Variants in DHRSX observed in about 807,000 individuals in gnomAD.
DHRSX encodes dehydrogenase/reductase X-linked.
A neutral mutation model predicts 34.0 loss-of-function variants in DHRSX; 31 were observed. That is an observed-to-expected ratio of 0.91 (90% CI 0.69 to 1.23). DHRSX has a LOEUF of 1.23. Ranked by LOEUF, DHRSX falls within the 50% of genes most tolerant of loss-of-function variation. The probability of loss-of-function intolerance (pLI) is 0.00; values close to 1 mark genes in which losing one functional copy is unlikely to be tolerated. For missense variants in DHRSX, 414 were observed against 428.1 expected, an observed-to-expected ratio of 0.97 and a Z score of 0.29; for synonymous variants, 201 against 183.8, an observed-to-expected ratio of 1.09 and a Z score of -0.76.
chrX:2,403,481 T>C (rs1394712130), intron 3 of DHRSX, among the ~76,000 whole-genome samples: 2 of 152,220 alleles, frequency 1.3e-5, no homozygotes, highest in Non-Finnish European at 2.9e-5. Context: ...GTATTCGTCA[T>C]GCTACTTGTC....
intron 1 of DHRSX, among the ~76,000 whole-genome samples, chrX:2,497,039 T>C (rs189150378): frequency 6.6e-6 from 1 of 152,268 alleles, no homozygotes; most frequent in African/African-American, 2.4e-5. Context: ...TTATTGACTG[T>C]TATAATCCAC....
chrX:2,489,823 G>C, intron 1 of DHRSX: 1 of 1,613,640 alleles, frequency 6.2e-7, no homozygotes, highest in Non-Finnish European at 8.5e-7. Flanking sequence ...AGGCCTGCTG[G>C]ATGCCGGCAT....
chrX:2,483,612 C>G (rs901400880), intron 1 of DHRSX, among the ~76,000 whole-genome samples: 2 of 151,876 alleles, frequency 1.3e-5, no homozygotes, highest in Non-Finnish European at 2.9e-5. Flanking sequence ...GACACAAATG[C>G]CCCCCGGTTC....
At position 2,461,925 on chromosome X, in the gene DHRSX, C is replaced by A. The variant is rs141749884; in HGVS notation, c.110-36621G>T. Among the ~76,000 whole-genome samples the A allele has an allele frequency of 3.7e-3, 564 of 152,058 alleles. 3 individuals are homozygous for A. Among genetic ancestry groups the A allele is most frequent in the African/African-American group, 0.013 (528 of 41,464 alleles). Reference sequence around the variant, plus strand: ...CTGGTCTCAAACTCCTGGGCTCAAGCGATCCACCGGCCTCGGCCTCCCAAA... The same window carrying A: ...CTGGTCTCAAACTCCTGGGCTCAAGAGATCCACCGGCCTCGGCCTCCCAAA... On this transcript the variant is annotated intron_variant, in intron 1 of 6. Coordinates refer to ENST00000334651, the MANE Select transcript of DHRSX (RefSeq NM_145177.3).
At chrX:2,448,328 C>T (rs2044166572) in intron 1 of DHRSX, among the ~76,000 whole-genome samples, 1 of 151,864 alleles carries the variant, frequency 6.6e-6, no homozygotes, top group Non-Finnish European at 1.5e-5. Flanking sequence ...GTGAGACTGT[C>T]TCAAAAAAAT....
intron 3 of DHRSX, among the ~76,000 whole-genome samples, chrX:2,305,588 C>A (rs1020153241): frequency 6.6e-6 from 1 of 152,042 alleles, no homozygotes; most frequent in South Asian, 2.1e-4. Flanking sequence ...TTGGAACCAA[C>A]GCAAATGCCC....
intron 1 of DHRSX, among the ~76,000 whole-genome samples, chrX:2,478,903 C>T (rs1348911023): frequency 6.6e-6 from 1 of 152,038 alleles, no homozygotes; most frequent in Non-Finnish European, 1.5e-5. Context: ...AAGTATGTGG[C>T]TAAGGGACCA....
rs192209199 is a variant in DHRSX, at chrX:2,376,233, T to G, written c.286+32512A>C. ...CAATTGCAGTACGGATCTGAGGCAT[T>G]GTAGATGGCAAGAGTGCATGTGTGC... On this transcript the variant is annotated intron_variant, in intron 3 of 6. Coordinates refer to ENST00000334651, the MANE Select transcript of DHRSX (RefSeq NM_145177.3). Among the ~76,000 whole-genome samples, 250 of 137,494 alleles carry G rather than the reference T, an allele frequency of 1.8e-3. 56 individuals are homozygous for G. In the Middle Eastern group the frequency reaches 0.032, roughly 18 times the overall value. The allele number at this position is 137,494 out of a possible 152,430, so 90.2% of individuals were successfully genotyped here. A position where few individuals can be genotyped will look rare whatever the true frequency, so the allele number is the denominator to read the frequency against.
chrX:2,428,067 G>A (rs1013180161), intron 1 of DHRSX, among the ~76,000 whole-genome samples: 8 of 152,056 alleles, frequency 5.3e-5, no homozygotes, highest in Non-Finnish European at 7.4e-5. Flanking sequence ...TGTACACGTC[G>A]ACATAGAGCA....
chrX:2,472,780 A>G (rs149086401), intron 1 of DHRSX, among the ~76,000 whole-genome samples: 13 of 152,218 alleles, frequency 8.5e-5, no homozygotes, highest in African/African-American at 2.9e-4. Flanking sequence ...AAAATAAATA[A>G]ATAAATAAAA....
At chrX:2,275,280 C>T (rs2041611240) in intron 4 of DHRSX, among the ~76,000 whole-genome samples, 1 of 149,926 alleles carries the variant, frequency 6.7e-6, no homozygotes, top group Non-Finnish European at 1.5e-5. Flanking sequence ...GGCGGATGAC[C>T]TGAGGTCAGG....
chrX:2,243,002 A>C (rs2016176398), intron 6 of DHRSX, 21 bp downstream of exon 6: 1 of 1,607,916 alleles, frequency 6.2e-7, no homozygotes, highest in Admixed American at 1.7e-5. Flanking sequence ...GCCGTGAATC[A>C]GAGAAGCAGA....
At chrX:2,401,199 C>T (rs2043482180) in intron 3 of DHRSX, among the ~76,000 whole-genome samples, 1 of 151,684 alleles carries the variant, frequency 6.6e-6, no homozygotes, top group Non-Finnish European at 1.5e-5. Flanking sequence ...AAACCTCCGC[C>T]TCCCGGGTCC....
chrX:2,493,347 T>C (rs2045206016), intron 1 of DHRSX, among the ~76,000 whole-genome samples: 1 of 152,126 alleles, frequency 6.6e-6, no homozygotes, highest in Non-Finnish European at 1.5e-5. Context: ...ATTATTTGGC[T>C]GAAACAGGTT....
chrX:2,459,375 G>A (rs1330655815), intron 1 of DHRSX, among the ~76,000 whole-genome samples: 1 of 151,688 alleles, frequency 6.6e-6, no homozygotes, highest in Non-Finnish European at 1.5e-5. Context: ...TAGCTTGATT[G>A]TTAATATGTT....
intron 1 of DHRSX, among the ~76,000 whole-genome samples, chrX:2,438,002 C>T (rs1008877399): frequency 1.6e-5 from 1 of 61,826 alleles, no homozygotes; most frequent in East Asian, 1.9e-3. Flanking sequence ...ATTGGATAAC[C>T]ATGGGGAAAA....
chrX:2,347,801 C>T (rs1402355433), intron 3 of DHRSX, among the ~76,000 whole-genome samples: 4 of 152,152 alleles, frequency 2.6e-5, no homozygotes, highest in East Asian at 1.9e-4. Flanking sequence ...TGCCATAATG[C>T]GGTGTCCAGC....
In DHRSX at chrX:2,285,336, T is replaced by G. The variant is rs145426791; in HGVS notation, c.388+6166A>C. ...GAGACAGTGACAGATCATCAGGAAT[T>G]AGATTCCATAAGGAGCACACAACCT... On this transcript the variant is annotated intron_variant, in intron 4 of 6. Transcript: ENST00000334651. Among the ~76,000 whole-genome samples, 1,465 of 152,226 alleles carry G rather than the reference T, an allele frequency of 9.6e-3. 26 individuals are homozygous for G. Among genetic ancestry groups the G allele is most frequent in the African/African-American group, 0.033 (1,352 of 41,546 alleles).
chrX:2,364,452 G>A (rs2042975007), intron 3 of DHRSX, among the ~76,000 whole-genome samples: 1 of 152,090 alleles, frequency 6.6e-6, no homozygotes, highest in Non-Finnish European at 1.5e-5. Flanking sequence ...ATGACAGATT[G>A]TATGCATATG....
Sources: allele counts gnomAD v4.1 joint callset (sites outside exome capture counted in the v4.1 genomes callset), GRCh38; gene constraint gnomAD v4.1.1; transcripts MANE v1.5; gene names NCBI Gene and HGNC (gene_info 2026-07-23, HGNC 2026-07-21).